HMCN1: variants seen among roughly 807,000 people sequenced by gnomAD.
HMCN1 encodes the protein hemicentin 1.
HMCN1 carries 321 observed loss-of-function variants against 625.9 expected under a neutral mutation model. That is an observed-to-expected ratio of 0.51 (90% CI 0.47 to 0.56). The LOEUF (loss-of-function observed/expected upper bound fraction) is 0.56, where lower values mean the gene tolerates loss of function less well. HMCN1 is among the 20% of genes least tolerant of loss of function. The pLI, the probability that HMCN1 is intolerant of heterozygous loss-of-function variation, is 0.00. For synonymous variants in HMCN1, 2,425 were observed against 2,417.6 expected (o/e 1.00, Z -0.09); for missense variants, 6,588 against 6,887.3 (o/e 0.96, Z 1.54).
chr1:186,041,918 C>A (rs899279843), intron 40 of HMCN1, among the ~76,000 whole-genome samples: 10 of 152,064 alleles, frequency 6.6e-5, no homozygotes, highest in Non-Finnish European at 8.8e-5. Flanking sequence ...ATAATTTATT[C>A]TTTTTTGAAA....
At chr1:185,981,347 C>CAT (rs1343378734) in intron 17 of HMCN1, among the ~76,000 whole-genome samples, 3 of 151,634 alleles carry the variant, frequency 2.0e-5, no homozygotes, top group African/African-American at 7.3e-5. Context: ...CACACACACA[C>CAT]ATATTAGAGT....
intron 97 of HMCN1, among the ~76,000 whole-genome samples, chr1:186,159,564 G>A (rs1016070595): frequency 6.6e-6 from 1 of 152,158 alleles, no homozygotes; most frequent in African/African-American, 2.4e-5. Context: ...GTTTGTCATA[G>A]ATAGCTCTTA....
At chr1:185,996,588 A>G (rs1391489148) in intron 24 of HMCN1, among the ~76,000 whole-genome samples, 1 of 152,168 alleles carries the variant, frequency 6.6e-6, no homozygotes, top group African/African-American at 2.4e-5. Flanking sequence ...GGAGGGAATC[A>G]TTCGGCTAGA....
At chr1:185,768,006 C>T (rs1006544632) in intron 1 of HMCN1, among the ~76,000 whole-genome samples, 1 of 152,050 alleles carries the variant, frequency 6.6e-6, no homozygotes, top group Non-Finnish European at 1.5e-5. Context: ...TGTTAATAGC[C>T]CTTAACAAGG....
rs1299462747 is a variant in HMCN1 at position 186,063,066 on chromosome 1, GCATATATATATA to G, written c.7513+467_7513+478del. 1.1e-3 allele frequency among the ~76,000 whole-genome samples: 32 copies of G among 29,940 alleles called. No individual in the cohort carries two copies. The East Asian group carries it at 0.021, about 19-fold the overall frequency. 19.6% of individuals were successfully genotyped at this position (29,940 alleles called of 152,430 possible). On this transcript the variant is annotated intron_variant, in intron 48 of 106. Coordinates refer to ENST00000271588, the MANE Select transcript of HMCN1 (RefSeq NM_031935.3). The stretch of plus-strand genomic sequence containing the variant: ...TGTGTGTGTGTGTGTGTGTGTGTGT[GCATATATATATA>G]TATATATATATATATATATATATAT...
chr1:185,737,873 C>T (rs1172201908), intron 1 of HMCN1, among the ~76,000 whole-genome samples: 1 of 152,062 alleles, frequency 6.6e-6, no homozygotes, highest in Non-Finnish European at 1.5e-5. Context: ...TGTGTATTTG[C>T]AGATGGAGTA....
At chr1:185,990,239 A>G (rs1252048752) in intron 21 of HMCN1, 36 bp from the exon 22 acceptor site, 3 of 1,583,816 alleles carry the variant, frequency 1.9e-6, no homozygotes, top group African/African-American at 2.7e-5. Context: ...TGTTTTCAAT[A>G]TACTGTTTCC....
chr1:186,082,319 A>ATG (rs1358161666), intron 56 of HMCN1, among the ~76,000 whole-genome samples: 2 of 152,166 alleles, frequency 1.3e-5, no homozygotes, highest in Non-Finnish European at 2.9e-5. Flanking sequence ...ATTCTTCCGG[A>ATG]TGTGGCCTTG....
chr1:186,115,135 A>T, intron 74 of HMCN1, 123 bp from the exon 75 acceptor site: 1 of 1,410,662 alleles, frequency 7.1e-7, no homozygotes, highest in Non-Finnish European at 1.0e-6. Context: ...AAATTTGCAG[A>T]GTCTTGTTTG....
intron 1 of HMCN1, among the ~76,000 whole-genome samples, chr1:185,839,727 T>C (rs1661369002): frequency 1.3e-5 from 2 of 152,312 alleles, no homozygotes; most frequent in East Asian, 3.9e-4. Context: ...CTGTGTAACA[T>C]TGCTGAATTT....
At chr1:185,828,340 TAAAC>T in intron 1 of HMCN1, among the ~76,000 whole-genome samples, 1 of 152,178 alleles carries the variant, frequency 6.6e-6, no homozygotes, top group East Asian at 1.9e-4. Flanking sequence ...GTCTTGATGT[TAAAC>T]AAAACAAAAA....
chr1:186,123,299 T>C, intron 81 of HMCN1, 79 bp downstream of exon 81: 5 of 1,527,500 alleles, frequency 3.3e-6, no homozygotes, highest in Non-Finnish European at 4.4e-6. Context: ...GCAAATCTGA[T>C]GGAAGTCAAA....
intron 81 of HMCN1, among the ~76,000 whole-genome samples, chr1:186,124,825 T>G (rs1349016680): frequency 6.6e-6 from 1 of 152,078 alleles, no homozygotes; most frequent in Non-Finnish European, 1.5e-5. Flanking sequence ...TTCATTGTTT[T>G]GGGAAGGGAG....
chr1:185,911,841 G>GTATA, intron 6 of HMCN1, 61 bp downstream of exon 6: 1 of 1,242,798 alleles, frequency 8.0e-7, no homozygotes, highest in Non-Finnish European at 1.2e-6. Context: ...TTTTCATGAA[G>GTATA]TATACACAAT....
intron 67 of HMCN1, among the ~76,000 whole-genome samples, chr1:186,094,711 A>T (rs763660322): frequency 6.6e-6 from 1 of 152,160 alleles, no homozygotes; most frequent in South Asian, 2.1e-4. Flanking sequence ...TGGAGTATTC[A>T]AACTATGAAT....
chr1:185,942,845 G>A (rs946760020), intron 11 of HMCN1, among the ~76,000 whole-genome samples: 2 of 151,886 alleles, frequency 1.3e-5, no homozygotes, highest in African/African-American at 2.4e-5. Flanking sequence ...ATAAATCAAG[G>A]GTTCCCATAA....
intron 41 of HMCN1, among the ~76,000 whole-genome samples, chr1:186,048,139 C>G (rs534336698): frequency 6.6e-6 from 1 of 152,200 alleles, no homozygotes; most frequent in East Asian, 1.9e-4. Context: ...CTCTTTATAT[C>G]TCCTACCTAC....
intron 1 of HMCN1, among the ~76,000 whole-genome samples, chr1:185,811,517 T>C (rs1318334657): frequency 6.6e-6 from 1 of 151,990 alleles, no homozygotes; most frequent in Admixed American, 6.6e-5. Context: ...AAGGATTGCT[T>C]AGGCACAGGA....
Position 186,093,130 on chromosome 1 carries a change from G to T in HMCN1, c.9888-4G>T, listed in dbSNP as rs376844927. 1 of 1,612,952 alleles carries T rather than the reference G, an allele frequency of 6.2e-7. No individual in the cohort carries two copies. Among genetic ancestry groups the T allele is most frequent in the Non-Finnish European group, 8.5e-7 (1 of 1,179,400 alleles). On this transcript the variant is annotated splice_region_variant and splice_polypyrimidine_tract_variant and intron_variant, in intron 64 of 106. Transcript: ENST00000271588. The stretch of plus-strand genomic sequence containing the variant: ...CAGCCCCTCTGTTATGATCTTTTCC[G>T]TAGAGTGAGTGCAAATGGCAGCACA...
Sources: gnomAD v4.1 joint callset for allele counts (sites outside exome capture counted in the v4.1 genomes callset) on GRCh38, gnomAD v4.1.1 for gene constraint, MANE v1.5 for transcripts, NCBI Gene and HGNC (gene_info 2026-07-23, HGNC 2026-07-21) for gene names.